TTYH2: variants seen among roughly 807,000 people sequenced by gnomAD.
TTYH2 encodes protein tweety homolog 2.
Under a neutral mutation model 68.3 loss-of-function variants are expected in TTYH2, and 49 were observed. That is an observed-to-expected ratio of 0.72 (90% CI 0.57 to 0.91). The LOEUF (loss-of-function observed/expected upper bound fraction) is 0.91, where lower values mean the gene tolerates loss of function less well. Ranked by LOEUF, TTYH2 falls within the 40% of genes least tolerant of loss-of-function variation. The probability of loss-of-function intolerance (pLI) is 0.00; values close to 1 mark genes in which losing one functional copy is unlikely to be tolerated. For synonymous variants in TTYH2, 272 were observed against 300.8 expected (o/e 0.90, Z 0.99); for missense variants, 631 against 700.4 (o/e 0.90, Z 1.12).
intron 2 of TTYH2, among the ~76,000 whole-genome samples, chr17:74,230,232 G>GT (rs2050373958): frequency 6.6e-6 from 1 of 151,668 alleles, no homozygotes; most frequent in South Asian, 2.1e-4. Flanking sequence ...GTATGATATG[G>GT]TAATGGTGGA....
At chr17:74,235,500 C>T (rs543878615) in intron 3 of TTYH2, among the ~76,000 whole-genome samples, 1 of 152,334 alleles carries the variant, frequency 6.6e-6, no homozygotes, top group East Asian at 1.9e-4. Flanking sequence ...CTGCAGGCAC[C>T]CTGGGTCTGG....
At chr17:74,257,552 G>A (rs1049441616) in intron 13 of TTYH2, among the ~76,000 whole-genome samples, 1 of 152,204 alleles carries the variant, frequency 6.6e-6, no homozygotes, top group Non-Finnish European at 1.5e-5. Flanking sequence ...CCTCTGCCGA[G>A]CACCCTCTCT....
At chr17:74,253,356 A>G (rs766227379) in intron 12 of TTYH2, 90 bp downstream of exon 12, 119 of 1,454,734 alleles carry the variant, frequency 8.2e-5, no homozygotes, top group Non-Finnish European at 1.5e-5. Flanking sequence ...GGAGGAAGGC[A>G]TCCAAGGCCA....
intron 12 of TTYH2, 114 bp downstream of exon 12, chr17:74,253,380 C>T (rs1323052711): frequency 7.6e-7 from 1 of 1,310,594 alleles, no homozygotes; most frequent in African/African-American, 1.5e-5. Flanking sequence ...GTGGTCCCCA[C>T]TACAGCCACA....
At position 74,254,245 on chromosome 17, in the gene TTYH2, G is replaced by A. The variant is rs185178961; in HGVS notation, c.1524+412G>A. On this transcript the variant is annotated intron_variant, in intron 13 of 13. Transcript: ENST00000269346. ...GGCTGGGGTGCAGTGGCGCAATATC[G>A]GCTTACTGCAACCCAGGTTTCAAGC... 7.9e-5 allele frequency among the ~76,000 whole-genome samples: 12 copies of A among 151,950 alleles called. No homozygotes were observed. In the South Asian group the frequency reaches 1.0e-3, roughly 13 times the overall value.
At position 74,217,860 on chromosome 17, in the gene TTYH2, A is replaced by G. The variant is rs944911441; in HGVS notation, c.129+4144A>G. On this transcript the variant is annotated intron_variant, in intron 1 of 13. Transcript: ENST00000269346. The surrounding 1 kb of genome is among the most constrained non-coding windows in gnomAD (Gnocchi z 4.0). Reference sequence around the variant, plus strand: ...CATGACACAGTGACAAATCAGAAATAATTGAAGTCCCTTTGATGAGGGGAG... The same window carrying G: ...CATGACACAGTGACAAATCAGAAATGATTGAAGTCCCTTTGATGAGGGGAG... Among the ~76,000 whole-genome samples the G allele has an allele frequency of 2.0e-5, 3 of 152,060 alleles. No homozygotes were observed. The highest frequency in any genetic ancestry group is 2.1e-4 in the South Asian group (1 of 4,828).
In TTYH2 at chr17:74,241,243, A is replaced by G. The variant is rs1004419468; in HGVS notation, c.636-2131A>G. Among the ~76,000 whole-genome samples the G allele has an allele frequency of 6.6e-6, 1 of 151,196 alleles. No homozygotes were observed. Among genetic ancestry groups the G allele is most frequent in the Non-Finnish European group, 1.5e-5 (1 of 67,926 alleles). On this transcript the variant is annotated intron_variant, in intron 4 of 13. Transcript: ENST00000269346. This position sits in a 1 kb window ranked among gnomAD's most constrained non-coding sequence, Gnocchi z 4.1. ...TGAGACCAGCCTGGACAACATAGAC[A>G]GACCCGGTATTTATAATACGTGTGT...
chr17:74,235,903 A>AC (rs1311636926), intron 3 of TTYH2, among the ~76,000 whole-genome samples: 1 of 151,990 alleles, frequency 6.6e-6, no homozygotes, highest in East Asian at 1.9e-4. Flanking sequence ...CTCAAAAAAA[A>AC]AAAAAAAACA....
rs1365320417 is a variant in TTYH2 at position 74,214,084 on chromosome 17, G to A, written c.129+368G>A. ...GGGGTAATCCTGGCGCGCGAGGTGCGGGGATGCTGAGGGGTGCCCCGAAGT... is the reference window on the plus strand; with the variant it reads ...GGGGTAATCCTGGCGCGCGAGGTGCAGGGATGCTGAGGGGTGCCCCGAAGT... On this transcript the variant is annotated intron_variant, in intron 1 of 13. Transcript: ENST00000269346. This position sits in a 1 kb window ranked among gnomAD's most constrained non-coding sequence, Gnocchi z 4.6. Among the ~76,000 whole-genome samples, 2 of 152,204 alleles carry A rather than the reference G, an allele frequency of 1.3e-5. No individual in the cohort carries two copies. Among genetic ancestry groups the A allele is most frequent in the African/African-American group, 2.4e-5 (1 of 41,452 alleles).
chr17:74,222,621 T>C lies in TTYH2; in HGVS notation c.266T>C (p.Ile89Thr). 1 of 1,611,502 alleles carries C rather than the reference T, an allele frequency of 6.2e-7. No individual in the cohort carries two copies. The highest frequency in any genetic ancestry group is 8.5e-7 in the Non-Finnish European group (1 of 1,179,904). Reference protein sequence around the residue: ...VQTKQHHSCCITWTAVVAGLI... With the variant: ...VQTKQHHSCCTTWTAVVAGLI... ...ACCAAGCAGCACCACTCCTGCTGCA[T>C]CACCTGGACGGCCGTGGTGGCCGGG... Residue 89 changes from isoleucine (I) to threonine (T), a missense_variant, in exon 2 of 14, where the codon ATC becomes ACC. Transcript: ENST00000269346. This position sits in a 1 kb window ranked among gnomAD's most constrained non-coding sequence, Gnocchi z 5.2.
At position 74,232,544 on chromosome 17, in the gene TTYH2, G is replaced by A. The variant is rs2050400762; in HGVS notation, c.414+1545G>A. Among the ~76,000 whole-genome samples the A allele has an allele frequency of 2.0e-5, 3 of 152,186 alleles. No individual in the cohort carries two copies. Among genetic ancestry groups the A allele is most frequent in the South Asian group, 4.1e-4 (2 of 4,836 alleles). On this transcript the variant is annotated intron_variant, in intron 3 of 13. Coordinates refer to ENST00000269346, the MANE Select transcript of TTYH2 (RefSeq NM_032646.6). The surrounding 1 kb of genome is among the most constrained non-coding windows in gnomAD (Gnocchi z 5.1). ...GCCAGCTCAGGCCTGGGAGGCAGAG[G>A]TGTGGCCTGCCTGGGGAGAACTCTC...
intron 1 of TTYH2, among the ~76,000 whole-genome samples, chr17:74,221,435 T>G (rs1342085967): frequency 6.6e-6 from 1 of 152,048 alleles, no homozygotes; most frequent in Non-Finnish European, 1.5e-5. Context: ...TTCCTGCTGA[T>G]TGCCACCCCC....
chr17:74,234,935 T>C (rs1364843552), intron 3 of TTYH2, among the ~76,000 whole-genome samples: 1 of 152,210 alleles, frequency 6.6e-6, no homozygotes, highest in Non-Finnish European at 1.5e-5. Context: ...CCAAGTGTAC[T>C]AGCATGACAT....
At chr17:74,235,658 G>A (rs2050435611) in intron 3 of TTYH2, among the ~76,000 whole-genome samples, 1 of 152,112 alleles carries the variant, frequency 6.6e-6, no homozygotes, top group African/African-American at 2.4e-5. Flanking sequence ...GGGAGGCCGA[G>A]GTGGGTGGAT....
intron 13 of TTYH2, among the ~76,000 whole-genome samples, chr17:74,254,637 T>C (rs1459834113): frequency 6.6e-6 from 1 of 152,176 alleles, no homozygotes; most frequent in Admixed American, 6.5e-5. Flanking sequence ...GAAAAAACCA[T>C]ACCTGGATTG....
intron 2 of TTYH2, among the ~76,000 whole-genome samples, chr17:74,227,370 G>C (rs1299683202): frequency 3.9e-5 from 6 of 152,180 alleles, no homozygotes; most frequent in African/African-American, 1.4e-4. Context: ...GGAAAATGCT[G>C]GCTTCATATT....
intron 13 of TTYH2, among the ~76,000 whole-genome samples, chr17:74,257,410 C>T (rs2050703835): frequency 6.6e-6 from 1 of 152,212 alleles, no homozygotes; most frequent in South Asian, 2.1e-4. Context: ...GACCAAGGAA[C>T]CCCACAGCAT....
chr17:74,233,723 TG>T (rs1272751986), intron 3 of TTYH2, among the ~76,000 whole-genome samples: 1 of 151,980 alleles, frequency 6.6e-6, no homozygotes, highest in Non-Finnish European at 1.5e-5. Context: ...TGTGCCTTGG[TG>T]GGTAGGGGCG....
chr17:74,246,268 C>G lies in TTYH2; in HGVS notation c.804+2219C>G, dbSNP rs2050556843. ...GAGGGTGGGAGTGTGGCCTCTGCAG[C>G]CACCCTGTCTGGGCCCACATCCTCC... On this transcript the variant is annotated intron_variant, in intron 6 of 13. Coordinates refer to ENST00000269346, the MANE Select transcript of TTYH2 (RefSeq NM_032646.6). 2.6e-5 allele frequency among the ~76,000 whole-genome samples: 4 copies of G among 152,142 alleles called. No individual in the cohort carries two copies. The South Asian group carries it at 8.3e-4, about 32-fold the overall frequency.
Sources: gnomAD v4.1 joint callset for allele counts (sites outside exome capture counted in the v4.1 genomes callset) on GRCh38, gnomAD v4.1.1 for gene constraint, Gnocchi (gnomAD v3.1) non-coding constraint, MANE v1.5 for transcripts, NCBI Gene and HGNC (gene_info 2026-07-23, HGNC 2026-07-21) for gene names.